The following TRPC4 variants were observed in gnomAD, a reference collection of about 807,000 sequenced individuals.
TRPC4 encodes transient receptor potential cation channel subfamily C member 4, also known as short transient receptor potential channel 4.
Under a neutral mutation model 99.4 loss-of-function variants are expected in TRPC4, and 49 were observed. That is an observed-to-expected ratio of 0.49 (90% CI 0.39 to 0.63). The LOEUF (loss-of-function observed/expected upper bound fraction) is 0.63. TRPC4 is among the 20% of genes least tolerant of loss of function. The pLI is 0.00. For synonymous variants in TRPC4, 454 were observed against 425.9 expected, an observed-to-expected ratio of 1.07 and a Z score of -0.81; for missense variants, 898 against 1,152.9, an observed-to-expected ratio of 0.78 and a Z score of 3.20.
At chr13:37,648,101 C>A (rs1030394593) in intron 8 of TRPC4, among the ~76,000 whole-genome samples, 1 of 152,026 alleles carries the variant, frequency 6.6e-6, no homozygotes, top group Non-Finnish European at 1.5e-5. Context: ...TGCCACCACG[C>A]GCAGCTAATT....
chr13:37,697,685 A>G (rs1953953845), intron 3 of TRPC4, among the ~76,000 whole-genome samples: 1 of 152,206 alleles, frequency 6.6e-6, no homozygotes, highest in Non-Finnish European at 1.5e-5. Context: ...GTCCAGTAAC[A>G]TTGAAATCAA....
At chr13:37,867,299 T>C (rs1959824754) in intron 1 of TRPC4, among the ~76,000 whole-genome samples, 1 of 152,030 alleles carries the variant, frequency 6.6e-6, no homozygotes, top group African/African-American at 2.4e-5. Context: ...TTTTTATTTT[T>C]GTTCCAATAT....
intron 1 of TRPC4, among the ~76,000 whole-genome samples, chr13:37,821,064 A>T (rs2139530224): frequency 6.6e-6 from 1 of 152,210 alleles, no homozygotes; most frequent in Non-Finnish European, 1.5e-5. Flanking sequence ...AAGCTCCTTG[A>T]TCTGATAAAC....
intron 3 of TRPC4, among the ~76,000 whole-genome samples, chr13:37,720,560 G>A (rs1954837395): frequency 6.6e-6 from 1 of 151,940 alleles, no homozygotes; most frequent in Non-Finnish European, 1.5e-5. Context: ...GATTTAAATA[G>A]TCATTTTATT....
intron 1 of TRPC4, among the ~76,000 whole-genome samples, chr13:37,798,503 T>C (rs1454765728): frequency 6.6e-6 from 1 of 152,154 alleles, no homozygotes; most frequent in Non-Finnish European, 1.5e-5. Flanking sequence ...ACAAGTGAGT[T>C]TTCCAGTTTC....
chr13:37,675,549 G>T (rs1273815776), intron 4 of TRPC4, among the ~76,000 whole-genome samples: 1 of 152,172 alleles, frequency 6.6e-6, no homozygotes, highest in Non-Finnish European at 1.5e-5. Context: ...AGCCTGGGGA[G>T]AAAAGAGGCT....
intron 1 of TRPC4, among the ~76,000 whole-genome samples, chr13:37,794,555 A>G (rs1957200984): frequency 6.6e-6 from 1 of 152,148 alleles, no homozygotes; most frequent in African/African-American, 2.4e-5. Flanking sequence ...TGTGGGAGAG[A>G]GGATTCAATA....
chr13:37,636,958 T>C lies in TRPC4; in HGVS notation c.2879A>G (p.Asp960Gly), dbSNP rs1951541861. The C allele has an allele frequency of 1.9e-6, 3 of 1,613,622 alleles. No homozygotes were observed. Among genetic ancestry groups the C allele is most frequent in the East Asian group, 4.5e-5 (2 of 44,876 alleles). ...AKEEDSSIDY[D>G]LNLPDTVTHE... ...GGTGACTGTGTCTGGGAGGTTTAGATCATAGTCTATACTAGAGTCCTCTTC... is the reference window on the plus strand; with the variant it reads ...GGTGACTGTGTCTGGGAGGTTTAGACCATAGTCTATACTAGAGTCCTCTTC... Residue 960 changes from aspartate (D) to glycine (G), a missense_variant, in exon 11 of 11, where the codon GAT (aspartate) becomes GGT (glycine). Physicochemically the swap from Asp to Gly is moderately conservative, Grantham distance 94 (BLOSUM62 -1). This residue lies in a region of TRPC4 where 346 missense variants were observed against 351.4 expected (regional missense o/e 0.98). Coordinates refer to ENST00000379705, the MANE Select transcript of TRPC4 (RefSeq NM_016179.4).
chr13:37,731,825 TC>T lies in TRPC4; in HGVS notation c.897+14111del, dbSNP rs1168700490. On this transcript the variant is annotated intron_variant, in intron 3 of 10. Coordinates refer to ENST00000379705, the MANE Select transcript of TRPC4 (RefSeq NM_016179.4). Reference sequence around the variant, plus strand: ...ATATTATCGAAGTAGTACGTCCCTTTCCCCACCTCCAAAGGAGCTAGCTACT... The same window carrying T: ...ATATTATCGAAGTAGTACGTCCCTTTCCCACCTCCAAAGGAGCTAGCTACT... 3.3e-5 allele frequency among the ~76,000 whole-genome samples: 5 copies of T among 152,198 alleles called. No homozygotes were observed. The East Asian group carries it at 9.6e-4, about 29-fold the overall frequency.
intron 3 of TRPC4, among the ~76,000 whole-genome samples, chr13:37,716,252 A>G (rs961213846): frequency 6.6e-6 from 1 of 152,200 alleles, no homozygotes; most frequent in African/African-American, 2.4e-5. Context: ...CCTTCAAGGT[A>G]CAAAAAAATT....
intron 1 of TRPC4, among the ~76,000 whole-genome samples, chr13:37,825,351 T>C (rs1319909393): frequency 6.7e-6 from 1 of 149,648 alleles, no homozygotes; most frequent in Non-Finnish European, 1.5e-5. Flanking sequence ...TCTAGTTCTT[T>C]TAATTGTGAT....
chr13:37,638,879 C>T (rs541418944), intron 10 of TRPC4, among the ~76,000 whole-genome samples, 161 bp downstream of exon 10: 2 of 152,242 alleles, frequency 1.3e-5, no homozygotes, highest in African/African-American at 4.8e-5. Flanking sequence ...ACTTGCTTTT[C>T]TTTTCTTTTT....
At chr13:37,778,740 T>C (rs890529221) in intron 2 of TRPC4, among the ~76,000 whole-genome samples, 1 of 152,056 alleles carries the variant, frequency 6.6e-6, no homozygotes, top group African/African-American at 2.4e-5. Flanking sequence ...GAATACATAA[T>C]AAGGATGTTA....
intron 1 of TRPC4, among the ~76,000 whole-genome samples, chr13:37,788,235 C>T (rs1371022301): frequency 2.6e-5 from 4 of 152,108 alleles, no homozygotes; most frequent in African/African-American, 9.7e-5. Flanking sequence ...CACTCTCTTT[C>T]ATACCTAAAG....
intron 1 of TRPC4, among the ~76,000 whole-genome samples, chr13:37,826,621 T>C (rs1958222591): frequency 6.6e-6 from 1 of 152,130 alleles, no homozygotes; most frequent in Non-Finnish European, 1.5e-5. Flanking sequence ...TTCTGGCTTA[T>C]AGGGTTTCTG....
intron 5 of TRPC4, 63 bp downstream of exon 5, chr13:37,674,165 A>C: frequency 7.2e-7 from 1 of 1,389,034 alleles, no homozygotes; most frequent in Non-Finnish European, 9.5e-7. Context: ...AATTAATATC[A>C]GTTGAAAGTA....
chr13:37,824,334 C>T (rs1413925240), intron 1 of TRPC4, among the ~76,000 whole-genome samples: 2 of 146,816 alleles, frequency 1.4e-5, no homozygotes, highest in Admixed American at 1.4e-4. Flanking sequence ...TGAGAGAGGG[C>T]ATCCCTGTCT....
chr13:37,840,754 C>T (rs1400571862), intron 1 of TRPC4, among the ~76,000 whole-genome samples: 7 of 152,012 alleles, frequency 4.6e-5, no homozygotes, highest in Non-Finnish European at 1.0e-4. Context: ...AAGTTTATAA[C>T]ATTCCCAGCA....
At chr13:37,657,380 T>G (rs1417104633) in intron 6 of TRPC4, among the ~76,000 whole-genome samples, 1 of 152,236 alleles carries the variant, frequency 6.6e-6, no homozygotes, top group Non-Finnish European at 1.5e-5. Flanking sequence ...AAGCTACTCT[T>G]TGAAAATTTC....
Sources: gnomAD v4.1 joint callset for allele counts (sites outside exome capture counted in the v4.1 genomes callset) on GRCh38, gnomAD v4.1.1 for gene constraint, gnomAD v4.1.1 regional missense constraint, MANE v1.5 for transcripts, NCBI Gene and HGNC (gene_info 2026-07-23, HGNC 2026-07-21) for gene names.